The following PCDHA6 variants were observed in gnomAD, a reference collection of about 807,000 sequenced individuals.
PCDHA6 encodes the protein protocadherin alpha-6.
In PCDHA6, 55 loss-of-function variants were observed where a neutral mutation model predicts 60.3. That is an observed-to-expected ratio of 0.91 (90% CI 0.73 to 1.14). The LOEUF (loss-of-function observed/expected upper bound fraction) is 1.14. Ranked by LOEUF, PCDHA6 falls within the 50% of genes most tolerant of loss-of-function variation. The pLI, the probability that PCDHA6 is intolerant of heterozygous loss-of-function variation, is 0.00. For missense variants in PCDHA6, 1,327 were observed against 1,256.5 expected, an observed-to-expected ratio of 1.06 and a Z score of -0.85; for synonymous variants, 652 against 557.9, an observed-to-expected ratio of 1.17 and a Z score of -2.38.
At position 140,853,586 on chromosome 5, in the gene PCDHA6, A is replaced by T; in HGVS notation, c.2394+23101A>T. 4 of 985,384 alleles carry T rather than the reference A, an allele frequency of 4.1e-6. 1 individual carries two copies. Among genetic ancestry groups the T allele is most frequent in the Non-Finnish European group, 4.9e-6 (4 of 817,556 alleles). 61.0% of individuals were successfully genotyped at this position (985,384 alleles called of 1,614,324 possible). ...ACTAAGTTGTCACCCAATATCTTAG[A>T]CACTTTGAGAGCAAAGGGGGTGCTG... is the stretch of plus-strand genomic sequence containing the variant. On this transcript the variant is annotated intron_variant, in intron 1 of 3. Transcript: ENST00000529310.
At chr5:140,875,859 C>G (rs1381473536) in intron 1 of PCDHA6, 1 of 1,614,038 alleles carries the variant, frequency 6.2e-7, no homozygotes, top group Non-Finnish European at 8.5e-7. Flanking sequence ...TTAACGACAA[C>G]CCGCCGGTGT....
rs189790601 is a variant in PCDHA6 at position 140,875,550 on chromosome 5, G to A, written c.2394+45065G>A. ...TTCTGCTCCTTGCAGCCTGGGAGGTGGGGAGCGGCCAGCTCCACTACTCCG... is the reference window on the plus strand; with the variant it reads ...TTCTGCTCCTTGCAGCCTGGGAGGTAGGGAGCGGCCAGCTCCACTACTCCG... On this transcript the variant is annotated intron_variant, in intron 1 of 3. Transcript: ENST00000529310. 51 of 1,614,134 alleles carry A rather than the reference G, an allele frequency of 3.2e-5. No homozygotes were observed. In the African/African-American group the frequency reaches 5.7e-4, roughly 18 times the overall value.
chr5:140,975,630 G>A (rs182087841), intron 1 of PCDHA6, among the ~76,000 whole-genome samples: 16 of 152,316 alleles, frequency 1.1e-4, no homozygotes, highest in Admixed American at 3.3e-4. Flanking sequence ...TCCATGGTAC[G>A]AAGATAGCAT....
chr5:140,852,773 T>C, intron 1 of PCDHA6: 3 of 981,330 alleles, frequency 3.1e-6, no homozygotes, highest in East Asian at 1.1e-4. Context: ...GATTATTTGA[T>C]GTGAATAGAG....
chr5:140,926,914 G>A (rs1563085125), intron 1 of PCDHA6: 7 of 1,565,570 alleles, frequency 4.5e-6, no homozygotes, highest in African/African-American at 1.4e-5. Context: ...TGGGGTGGCA[G>A]TTTTATGTTT....
chr5:140,830,022 G>A lies in PCDHA6; in HGVS notation c.1931G>A (p.Arg644His). Residue 644 changes from arginine (R) to histidine (H), a missense_variant, in exon 1 of 4, where the codon CGC (arginine) becomes CAC (histidine). Arg to His is a conservative substitution (Grantham distance 29). Coordinates refer to ENST00000529310, the MANE Select transcript of PCDHA6 (RefSeq NM_018909.4). ...TRVLDEADSPRHRLLVLVKDH... is the reference protein window; with the variant it reads ...TRVLDEADSPHHRLLVLVKDH... ...GTCCTGGACGAAGCGGACTCTCCGCGCCACCGGCTGCTGGTGCTGGTGAAA... is the reference window on the plus strand; with the variant it reads ...GTCCTGGACGAAGCGGACTCTCCGCACCACCGGCTGCTGGTGCTGGTGAAA... 2 of 1,613,860 alleles carry A rather than the reference G, an allele frequency of 1.2e-6. No homozygotes were observed. Among genetic ancestry groups the A allele is most frequent in the Non-Finnish European group, 8.5e-7 (1 of 1,179,908 alleles).
chr5:140,940,485 ACAAGT>A (rs1554213400), intron 1 of PCDHA6, among the ~76,000 whole-genome samples: 1 of 151,718 alleles, frequency 6.6e-6, no homozygotes, highest in African/African-American at 2.4e-5. Flanking sequence ...TTTTTTCAAG[ACAAGT>A]CTTGCTCCGT....
At position 140,985,395 on chromosome 5, in the gene PCDHA6, C is replaced by G. The variant is rs377641758; in HGVS notation, c.2542+2832C>G. 2.6e-5 allele frequency among the ~76,000 whole-genome samples: 4 copies of G among 152,302 alleles called. No individual in the cohort carries two copies. The East Asian group carries it at 7.7e-4, about 29-fold the overall frequency. On this transcript the variant is annotated intron_variant, in intron 3 of 3. Coordinates refer to ENST00000529310, the MANE Select transcript of PCDHA6 (RefSeq NM_018909.4). ...GGTCTATATAATCCAGTCACCCCAACTGTTCCCCTGGAAATGGAGTGAGGA... is the reference window on the plus strand; with the variant it reads ...GGTCTATATAATCCAGTCACCCCAAGTGTTCCCCTGGAAATGGAGTGAGGA...
In PCDHA6 at chr5:140,927,608, G is replaced by A. The variant is rs151084513; in HGVS notation, c.2395-51341G>A. ...CCTGTATTTGAGCGCTCCGTATACC[G>A]CACCAAGGTTCCAGAGACTGCACCC... On this transcript the variant is annotated intron_variant, in intron 1 of 3. Coordinates refer to ENST00000529310, the MANE Select transcript of PCDHA6 (RefSeq NM_018909.4). The A allele has an allele frequency of 2.2e-5, 35 of 1,614,050 alleles. No homozygotes were observed. In the African/African-American group the frequency reaches 4.4e-4, roughly 20 times the overall value.
chr5:140,837,614 C>A (rs188278547), intron 1 of PCDHA6, among the ~76,000 whole-genome samples: 1 of 147,776 alleles, frequency 6.8e-6, no homozygotes, highest in East Asian at 2.0e-4. Flanking sequence ...TTATAATTTG[C>A]CCCTTCCTTC....
chr5:140,830,263 G>T lies in PCDHA6; in HGVS notation c.2172G>T (p.Ser724=). Residue 724 remains serine, a synonymous_variant, in exon 1 of 4, where the codon TCG becomes TCT. Coordinates refer to ENST00000529310, the MANE Select transcript of PCDHA6 (RefSeq NM_018909.4). ...TLLLYTALRC[S]APPTEGACTA... Reference sequence around the variant, plus strand: ...TGCTGTACACAGCGCTGCGGTGCTCGGCGCCACCCACCGAGGGCGCGTGCA... The same window carrying T: ...TGCTGTACACAGCGCTGCGGTGCTCTGCGCCACCCACCGAGGGCGCGTGCA... The T allele has an allele frequency of 6.2e-7, 1 of 1,613,640 alleles. No homozygotes were observed. Among genetic ancestry groups the T allele is most frequent in the African/African-American group, 1.3e-5 (1 of 75,030 alleles).
intron 1 of PCDHA6, among the ~76,000 whole-genome samples, chr5:140,958,643 T>C (rs2095435479): frequency 1.3e-5 from 2 of 152,020 alleles, no homozygotes. Flanking sequence ...AGAAAACCAA[T>C]CACAGAAAGC....
chr5:140,871,506 A>C (rs997428507), intron 1 of PCDHA6: 2 of 1,580,864 alleles, frequency 1.3e-6, no homozygotes, highest in Admixed American at 1.8e-5. Flanking sequence ...TGAGTTTTCT[A>C]CAGATTCCAC....
chr5:140,885,367 G>T (rs1476588272), intron 1 of PCDHA6, among the ~76,000 whole-genome samples: 2 of 152,244 alleles, frequency 1.3e-5, no homozygotes, highest in African/African-American at 4.8e-5. Flanking sequence ...GTGACTGAAA[G>T]TACCTTTTGG....
intron 1 of PCDHA6, chr5:140,967,578 C>T (rs868970551): frequency 1.9e-6 from 3 of 1,614,000 alleles, no homozygotes; most frequent in Non-Finnish European, 2.5e-6. Flanking sequence ...GAGGACTCAC[C>T]CCCAGGCACA....
intron 1 of PCDHA6, among the ~76,000 whole-genome samples, chr5:140,938,353 C>G (rs2092034112): frequency 6.6e-6 from 1 of 152,138 alleles, no homozygotes; most frequent in Admixed American, 6.5e-5. Flanking sequence ...TGTCTTATTC[C>G]TGGTCTCAGA....
At chr5:140,835,709 C>A (rs2150242768) in intron 1 of PCDHA6, 4 of 1,613,352 alleles carry the variant, frequency 2.5e-6, no homozygotes, top group Non-Finnish European at 3.4e-6. Flanking sequence ...CTAGCGTGTC[C>A]GTGGAGGTGG....
chr5:140,869,509 A>G (rs199564677), intron 1 of PCDHA6: 13 of 1,614,206 alleles, frequency 8.1e-6, no homozygotes, highest in Middle Eastern at 1.6e-4. Context: ...GTTCTCGCTC[A>G]GAGAACAAAA....
chr5:140,942,906 G>A (rs1454697434), intron 1 of PCDHA6, among the ~76,000 whole-genome samples: 1 of 151,800 alleles, frequency 6.6e-6, no homozygotes, highest in South Asian at 2.1e-4. Flanking sequence ...CTAAGAATAA[G>A]CGTGAAGAAA....
Sources: allele counts gnomAD v4.1 joint callset (sites outside exome capture counted in the v4.1 genomes callset), GRCh38; gene constraint gnomAD v4.1.1; transcripts MANE v1.5; gene names NCBI Gene and HGNC (gene_info 2026-07-23, HGNC 2026-07-21).